Variants in SLC8A1 observed in about 807,000 individuals in gnomAD.
The protein encoded by SLC8A1 is solute carrier family 8 member A1.
In SLC8A1, 18 loss-of-function variants were observed where a neutral mutation model predicts 68.3. The observed-to-expected ratio is 0.26, with a 90% CI of 0.18 to 0.39. SLC8A1 has a LOEUF of 0.39. Ranked by LOEUF, SLC8A1 falls within the 10% of genes least tolerant of loss-of-function variation. The pLI is 1.00. For synonymous variants in SLC8A1, 475 were observed against 415.5 expected, an observed-to-expected ratio of 1.14 and a Z score of -1.74; for missense variants, 985 against 1,156.7, an observed-to-expected ratio of 0.85 and a Z score of 2.15.
At chr2:40,373,908 A>T (rs1324986938) in intron 2 of SLC8A1, among the ~76,000 whole-genome samples, 1 of 152,088 alleles carries the variant, frequency 6.6e-6, no homozygotes, top group Non-Finnish European at 1.5e-5. Context: ...ATATCTTCCA[A>T]ACAAGTGTGC....
intron 2 of SLC8A1, among the ~76,000 whole-genome samples, chr2:40,238,314 G>A (rs548479221): frequency 1.4e-4 from 22 of 152,330 alleles, no homozygotes; most frequent in African/African-American, 4.8e-4. Flanking sequence ...GTGGTGGGCC[G>A]TTTTTTAAGC....
intron 2 of SLC8A1, chr2:40,177,968 C>A (rs1210942542): frequency 9.8e-6 from 7 of 716,526 alleles, no homozygotes; most frequent in South Asian, 1.6e-5. Flanking sequence ...ACTGGCAGCA[C>A]ATGGGCCTCC....
intron 2 of SLC8A1, among the ~76,000 whole-genome samples, chr2:40,350,983 C>T (rs1320565365): frequency 6.6e-6 from 1 of 152,126 alleles, no homozygotes; most frequent in Non-Finnish European, 1.5e-5. Context: ...GACGGCAGCT[C>T]TGTCTAAACT....
At chr2:40,406,670 C>T (rs927810515) in intron 2 of SLC8A1, among the ~76,000 whole-genome samples, 3 of 152,272 alleles carry the variant, frequency 2.0e-5, no homozygotes, top group African/African-American at 4.8e-5. Flanking sequence ...CCCTCTGTTA[C>T]TCAAGGCTGT....
intron 2 of SLC8A1, among the ~76,000 whole-genome samples, chr2:40,345,268 T>G (rs1321852126): frequency 6.6e-6 from 1 of 152,180 alleles, no homozygotes; most frequent in African/African-American, 2.4e-5. Context: ...ACTACACTCC[T>G]ACCTCATCAA....
At chr2:40,338,416 G>A (rs1476542997) in intron 2 of SLC8A1, among the ~76,000 whole-genome samples, 9 of 152,100 alleles carry the variant, frequency 5.9e-5, no homozygotes, top group Non-Finnish European at 1.3e-4. Flanking sequence ...CTATAACTGG[G>A]TAATAGGGAA....
At chr2:40,136,781 C>A (rs1307541190) in intron 7 of SLC8A1, among the ~76,000 whole-genome samples, 1 of 152,038 alleles carries the variant, frequency 6.6e-6, no homozygotes, top group African/African-American at 2.4e-5. Flanking sequence ...AAAATAAAGT[C>A]AGAAATGTGA....
At chr2:40,434,544 T>A (rs1404331731) in intron 1 of SLC8A1, among the ~76,000 whole-genome samples, 2 of 152,154 alleles carry the variant, frequency 1.3e-5, no homozygotes, top group African/African-American at 4.8e-5. Context: ...AGCAGAAAGA[T>A]AAGAATAGAG....
chr2:40,432,029 A>C (rs1698431848), intron 1 of SLC8A1, among the ~76,000 whole-genome samples: 1 of 152,174 alleles, frequency 6.6e-6, no homozygotes, highest in South Asian at 2.1e-4. Context: ...TAGAGGTAGC[A>C]TATTTTCAAA....
intron 1 of SLC8A1, among the ~76,000 whole-genome samples, chr2:40,495,283 T>C (rs1442527483): frequency 2.0e-5 from 3 of 152,028 alleles, no homozygotes; most frequent in African/African-American, 7.2e-5. Flanking sequence ...GCTTATAATG[T>C]AGTAGGTCAA....
At chr2:40,507,089 C>T (rs74925611) in intron 1 of SLC8A1, among the ~76,000 whole-genome samples, 20 of 152,012 alleles carry the variant, frequency 1.3e-4, no homozygotes, top group East Asian at 9.7e-4. Flanking sequence ...AGTTAATTGT[C>T]GAGTGGATTT....
intron 1 of SLC8A1, among the ~76,000 whole-genome samples, chr2:40,440,226 C>T (rs1484888003): frequency 1.3e-5 from 2 of 152,060 alleles, no homozygotes; most frequent in Non-Finnish European, 2.9e-5. Context: ...ATGGTTTTAA[C>T]GTTAGTAACT....
intron 2 of SLC8A1, among the ~76,000 whole-genome samples, chr2:40,268,329 AT>A (rs1214868266): frequency 6.6e-6 from 1 of 152,132 alleles, no homozygotes; most frequent in Non-Finnish European, 1.5e-5. Context: ...AGGAATCTCC[AT>A]TTTCAACAAT....
chr2:40,164,972 T>C (rs1412326236), exon 5 of SLC8A1: 1 of 1,613,836 alleles, frequency 6.2e-7, no homozygotes, highest in African/African-American at 1.3e-5. Flanking sequence ...TGGCTGCTTG[T>C]CATCATATTC....
At chr2:40,178,283 G>C in intron 2 of SLC8A1, 104 bp downstream of exon 3, 1 of 850,618 alleles carries the variant, frequency 1.2e-6, no homozygotes, top group Non-Finnish European at 2.0e-6. Context: ...TACATAGGTG[G>C]AGGGATGTGT....
chr2:40,116,952 T>C (rs2035577131), intron 7 of SLC8A1: 1 of 152,334 alleles, frequency 6.6e-6, no homozygotes, highest in Non-Finnish European at 1.5e-5. Context: ...ACTGTGTGAC[T>C]CTGGAAGATT....
chr2:40,174,170 A>G (rs909422545), intron 4 of SLC8A1, among the ~76,000 whole-genome samples: 1 of 152,104 alleles, frequency 6.6e-6, no homozygotes, highest in Non-Finnish European at 1.5e-5. Context: ...TGGTGGGATG[A>G]GGGGAAGGCT....
At chr2:40,299,621 C>A (rs2071056428) in intron 2 of SLC8A1, among the ~76,000 whole-genome samples, 1 of 152,130 alleles carries the variant, frequency 6.6e-6, no homozygotes, top group Non-Finnish European at 1.5e-5. Flanking sequence ...GGGTGATGAT[C>A]CAGGAATCTG....
At chr2:40,270,097 C>G (rs188049676) in intron 2 of SLC8A1, among the ~76,000 whole-genome samples, 1 of 152,278 alleles carries the variant, frequency 6.6e-6, no homozygotes, top group Admixed American at 6.5e-5. Flanking sequence ...GTAAGCTATG[C>G]TATCCCTGAG....
Sources: allele counts gnomAD v4.1 joint callset (sites outside exome capture counted in the v4.1 genomes callset), GRCh38; gene constraint gnomAD v4.1.1; transcripts MANE v1.5; gene names NCBI Gene and HGNC (gene_info 2026-07-23, HGNC 2026-07-21).